PACSIN1: variants seen among roughly 807,000 people sequenced by gnomAD.
PACSIN1 encodes protein kinase C and casein kinase substrate in neurons protein 1.
A neutral mutation model predicts 59.5 loss-of-function variants in PACSIN1; 15 were observed. That is an observed-to-expected ratio of 0.25 (90% CI 0.17 to 0.39). The LOEUF (loss-of-function observed/expected upper bound fraction) is 0.39. Among genes scored for constraint, PACSIN1 ranks in the 10% least tolerant of loss-of-function variants. The pLI is 1.00. For synonymous variants in PACSIN1, 210 were observed against 220.6 expected (o/e 0.95, Z 0.42); for missense variants, 420 against 580.2 (o/e 0.72, Z 2.84).
chr6:34,513,113 A>C (rs951956403), intron 1 of PACSIN1, among the ~76,000 whole-genome samples: 46 of 152,180 alleles, frequency 3.0e-4, no homozygotes, highest in Admixed American at 2.9e-3. Flanking sequence ...TCTCTGACCC[A>C]TGGTAGGTGC....
chr6:34,532,361 C>T lies in PACSIN1; in HGVS notation c.1226-60C>T, dbSNP rs1011949012. On this transcript the variant is annotated intron_variant, in intron 9 of 9. Coordinates refer to ENST00000244458, the MANE Select transcript of PACSIN1 (RefSeq NM_020804.5). The surrounding 1 kb of genome is among the most constrained non-coding windows in gnomAD (Gnocchi z 5.2). ...GGTATTGGAGGGTTCCCCTAGCAGCCGGTGCGTTGAGGGAGGGGCAGCCTT... is the reference window on the plus strand; with the variant it reads ...GGTATTGGAGGGTTCCCCTAGCAGCTGGTGCGTTGAGGGAGGGGCAGCCTT... The T allele has an allele frequency of 1.3e-5, 15 of 1,133,666 alleles. No individual in the cohort carries two copies. The highest frequency in any genetic ancestry group is 1.1e-4 in the African/African-American group (7 of 64,890). The allele number at this position is 1,133,666 out of a possible 1,614,324, so 70.2% of individuals were successfully genotyped here. A position where few individuals can be genotyped will look rare whatever the true frequency, so the allele number is the denominator to read the frequency against.
intron 1 of PACSIN1, among the ~76,000 whole-genome samples, chr6:34,509,983 T>G (rs1260121765): frequency 6.6e-6 from 1 of 152,282 alleles, no homozygotes; most frequent in African/African-American, 2.4e-5. Flanking sequence ...TTTTCATTGC[T>G]GTGTAGTATT....
chr6:34,527,221 G>A lies in PACSIN1; in HGVS notation c.64-111G>A. 18 of 1,137,694 alleles carry A rather than the reference G, an allele frequency of 1.6e-5. 1 individual carries two copies. The South Asian group carries it at 3.3e-4, about 21-fold the overall frequency. The allele number at this position is 1,137,694 out of a possible 1,614,324, so 70.5% of individuals were successfully genotyped here. On this transcript the variant is annotated intron_variant, in intron 2 of 9. Transcript: ENST00000244458. ...GGGCGGGGGCGGGGACGGCGAGGCC[G>A]TAAGCGGGGAGGCGGGGCGGAAGAC... is the stretch of plus-strand genomic sequence containing the variant.
chr6:34,511,076 G>A (rs1767195469), intron 1 of PACSIN1, among the ~76,000 whole-genome samples: 1 of 152,122 alleles, frequency 6.6e-6, no homozygotes, highest in African/African-American at 2.4e-5. Flanking sequence ...TCTCCCTTTG[G>A]CATGAAATCT....
Position 34,528,659 on chromosome 6 carries a change from C to G in PACSIN1, c.238C>G (p.Leu80Val). Residue 80 changes from leucine (L) to valine (V), a missense_variant, in exon 4 of 10, where the codon CTG becomes GTG. Coordinates refer to ENST00000244458, the MANE Select transcript of PACSIN1 (RefSeq NM_020804.5). Reference sequence around the variant, plus strand: ...TCCCTCAGGCCCACAGTATGGCAGCCTGGAGCGGGCCTGGGGTGCCATAAT... The same window carrying G: ...TCCCTCAGGCCCACAGTATGGCAGCGTGGAGCGGGCCTGGGGTGCCATAAT... ...LIEKGPQYGS[L>V]ERAWGAIMTE... is the part of the protein sequence containing the mutation. 6.2e-7 allele frequency: 1 copy of G among 1,613,786 alleles called. No individual in the cohort carries two copies. Among genetic ancestry groups the G allele is most frequent in the Middle Eastern group, 1.7e-4 (1 of 6,060 alleles).
intron 1 of PACSIN1, among the ~76,000 whole-genome samples, chr6:34,520,444 C>T (rs1349565218): frequency 6.6e-6 from 1 of 152,182 alleles, no homozygotes; most frequent in African/African-American, 2.4e-5. Context: ...GTGACACCCA[C>T]AGACAGCCAG....
rs368403760 is a variant in PACSIN1, at chr6:34,509,866, G to A, written c.-63-16377G>A. ...TTCTTAAATTTTTTTCAGAAATTCA[G>A]AAATTTTAGAAAACTTTCAGAATTT... On this transcript the variant is annotated intron_variant, in intron 1 of 9. Coordinates refer to ENST00000244458, the MANE Select transcript of PACSIN1 (RefSeq NM_020804.5). 6.6e-5 allele frequency among the ~76,000 whole-genome samples: 10 copies of A among 152,148 alleles called. No individual in the cohort carries two copies. In the East Asian group the frequency reaches 1.9e-3, roughly 29 times the overall value.
chr6:34,529,932 A>G lies in PACSIN1; in HGVS notation c.788+91A>G. ...GGCATCCCAGCCCTCCATCACAGTG[A>G]CGGGAAGGGGAGGCAGAGCTGCAGG... On this transcript the variant is annotated intron_variant, in intron 6 of 9. Transcript: ENST00000244458. The surrounding 1 kb of genome is among the most constrained non-coding windows in gnomAD (Gnocchi z 6.3). The G allele has an allele frequency of 7.2e-7, 1 of 1,396,440 alleles. No individual in the cohort carries two copies. The highest frequency in any genetic ancestry group is 9.8e-7 in the Non-Finnish European group (1 of 1,019,838). The allele number at this position is 1,396,440 out of a possible 1,614,324, so 86.5% of individuals were successfully genotyped here.
chr6:34,496,943 T>TTGG (rs1222565703), intron 1 of PACSIN1, among the ~76,000 whole-genome samples: 2 of 135,884 alleles, frequency 1.5e-5, no homozygotes, highest in African/African-American at 5.9e-5. Flanking sequence ...CTCTCTCTCT[T>TTGG]TTTTTTTTTT....
At chr6:34,482,455 CT>C (rs1249735537) in intron 1 of PACSIN1, among the ~76,000 whole-genome samples, 1 of 152,146 alleles carries the variant, frequency 6.6e-6, no homozygotes, top group East Asian at 1.9e-4. Flanking sequence ...TAGTGCATTC[CT>C]TTTTATGGCT....
rs889689019 is a variant in PACSIN1, at chr6:34,521,595, C to T, written c.-63-4648C>T. ...GGTGAGCTGGCTCCAGAGCCCTGCA[C>T]CCCCCAGTCTGCACTTCACAGGCTG... On this transcript the variant is annotated intron_variant, in intron 1 of 9. Coordinates refer to ENST00000244458, the MANE Select transcript of PACSIN1 (RefSeq NM_020804.5). The surrounding 1 kb of genome is among the most constrained non-coding windows in gnomAD (Gnocchi z 4.3). Among the ~76,000 whole-genome samples the T allele has an allele frequency of 1.3e-5, 2 of 152,082 alleles. No homozygotes were observed. Among genetic ancestry groups the T allele is most frequent in the Non-Finnish European group, 2.9e-5 (2 of 67,998 alleles).
chr6:34,504,290 ATTTTTTTT>A (rs368149319), intron 1 of PACSIN1, among the ~76,000 whole-genome samples: 1,119 of 94,018 alleles, frequency 0.012, 16 homozygotes, highest in African/African-American at 0.047. Flanking sequence ...ATATATATAT[ATTTTTTTT>A]TTTTTTTTTT....
At position 34,526,249 on chromosome 6, in the gene PACSIN1, A is replaced by C. The variant is rs1767478904; in HGVS notation, c.-57A>C. 1.4e-6 allele frequency: 2 copies of C among 1,456,778 alleles called. No homozygotes were observed. The highest frequency in any genetic ancestry group is 3.4e-5 in the Admixed American group (2 of 59,572). The allele number at this position is 1,456,778 out of a possible 1,614,324, so 90.2% of individuals were successfully genotyped here. A position where few individuals can be genotyped will look rare whatever the true frequency, so the allele number is the denominator to read the frequency against. ...CTCTCTCCTGCCCTCCCAGTGCATG[A>C]GCAGCCGAGCCTGCTAACCGCAGCT... On this transcript the variant is annotated 5_prime_UTR_variant, in exon 2 of 10. It removes the in-frame stop codon of an upstream open reading frame in the 5' UTR. Transcript: ENST00000244458.
intron 3 of PACSIN1, chr6:34,527,700 CTT>C (rs1767515969): frequency 2.6e-6 from 1 of 390,134 alleles, no homozygotes; most frequent in African/African-American, 2.1e-5. Flanking sequence ...AAAAAAAACA[CTT>C]TTTATCTTGA....
In PACSIN1 at chr6:34,533,165, G is replaced by A. The variant is rs1413147195; in HGVS notation, c.*635G>A. On this transcript the variant is annotated 3_prime_UTR_variant, in exon 10 of 10. Coordinates refer to ENST00000244458, the MANE Select transcript of PACSIN1 (RefSeq NM_020804.5). ...CCAGACATGAAAGAGGGGTGAGCTG[G>A]AGGAAGTCATGGTGTCACTGGGGTA... 1.3e-5 allele frequency: 2 copies of A among 152,360 alleles called. No individual in the cohort carries two copies. Among genetic ancestry groups the A allele is most frequent in the African/African-American group, 4.8e-5 (2 of 41,440 alleles). The allele number at this position is 152,360 out of a possible 1,614,324, so 9.4% of individuals were successfully genotyped here.
intron 1 of PACSIN1, among the ~76,000 whole-genome samples, chr6:34,498,650 A>G (rs1465636196): frequency 6.6e-6 from 1 of 151,952 alleles, no homozygotes; most frequent in Non-Finnish European, 1.5e-5. Flanking sequence ...ACACAAAAAA[A>G]TTAGGCATGG....
chr6:34,516,423 C>T lies in PACSIN1; in HGVS notation c.-63-9820C>T, dbSNP rs144481236. On this transcript the variant is annotated intron_variant, in intron 1 of 9. Transcript: ENST00000244458. The surrounding 1 kb of genome is among the most constrained non-coding windows in gnomAD (Gnocchi z 5.4). ...GAAACGGGATGCAGATTCGCCTGTG[C>T]GCACTGACACTGCCTGCCCCTGCTC... Among the ~76,000 whole-genome samples the T allele has an allele frequency of 7.9e-5, 12 of 152,196 alleles. No homozygotes were observed. The highest frequency in any genetic ancestry group is 2.1e-4 in the South Asian group (1 of 4,832).
intron 1 of PACSIN1, among the ~76,000 whole-genome samples, chr6:34,503,188 G>A (rs149289403): frequency 0.024 from 3,651 of 151,278 alleles, 61 homozygotes; most frequent in Non-Finnish European, 0.038. Flanking sequence ...AGGATTGCCT[G>A]AGGCCAGGAG....
intron 1 of PACSIN1, among the ~76,000 whole-genome samples, chr6:34,479,940 C>T (rs1766691496): frequency 6.6e-6 from 1 of 151,908 alleles, no homozygotes; most frequent in Non-Finnish European, 1.5e-5. Context: ...ATTTTCCTGC[C>T]TCAGCCTCCA....
Sources: allele counts gnomAD v4.1 joint callset (sites outside exome capture counted in the v4.1 genomes callset), GRCh38; gene constraint gnomAD v4.1.1; non-coding constraint Gnocchi (gnomAD v3.1); transcripts MANE v1.5; gene names NCBI Gene and HGNC (gene_info 2026-07-23, HGNC 2026-07-21).